Variants in ABLIM1 observed in about 807,000 individuals in gnomAD.
ABLIM1 encodes the protein actin-binding LIM protein 1.
Under a neutral mutation model 107.0 loss-of-function variants are expected in ABLIM1, and 40 were observed. The observed-to-expected ratio is 0.37, with a 90% CI of 0.29 to 0.49. ABLIM1 has a LOEUF of 0.49. Ranked by LOEUF, ABLIM1 falls within the 20% of genes least tolerant of loss-of-function variation. ABLIM1 has a pLI of 0.97. For missense variants in ABLIM1, 857 were observed against 1,008.5 expected, an observed-to-expected ratio of 0.85 and a Z score of 2.04; for synonymous variants, 357 against 357.3, an observed-to-expected ratio of 1.00 and a Z score of 0.01.
intron 1 of ABLIM1, among the ~76,000 whole-genome samples, chr10:114,617,079 G>A (rs1477817100): frequency 2.0e-5 from 3 of 152,046 alleles, no homozygotes; most frequent in Admixed American, 1.3e-4. Context: ...AAGCTTTAGG[G>A]AATAATTTTA....
At chr10:114,609,627 T>C (rs1275698760) in intron 1 of ABLIM1, among the ~76,000 whole-genome samples, 1 of 152,232 alleles carries the variant, frequency 6.6e-6, no homozygotes, top group Non-Finnish European at 1.5e-5. Context: ...TGAGTTGTCA[T>C]CTCTATACTT....
At chr10:114,748,102 C>T (rs116776188) in intron 1 of ABLIM1, among the ~76,000 whole-genome samples, 1,860 of 151,628 alleles carry the variant, frequency 0.012, 39 homozygotes, top group African/African-American at 0.037. Context: ...ACTGAACCAC[C>T]AAATGGATGG....
At chr10:114,442,978 G>A (rs145239993) in intron 17 of ABLIM1, among the ~76,000 whole-genome samples, 2,799 of 151,398 alleles carry the variant, frequency 0.018, 63 homozygotes, top group African/African-American at 0.052. Context: ...AGCCGGGACT[G>A]CAGGAGCCCG....
At chr10:114,469,006 C>A (rs896499139) in intron 10 of ABLIM1, among the ~76,000 whole-genome samples, 23 of 140,302 alleles carry the variant, frequency 1.6e-4, no homozygotes, top group Non-Finnish European at 2.6e-4. Flanking sequence ...GAGCCGAGAT[C>A]ACGCCACTGC....
In ABLIM1 at chr10:114,707,583, G is replaced by A. The variant is rs1021335184; in HGVS notation, c.-213+60478C>T. Among the ~76,000 whole-genome samples, 1 of 152,040 alleles carries A rather than the reference G, an allele frequency of 6.6e-6. No homozygotes were observed. The highest frequency in any genetic ancestry group is 1.5e-5 in the Non-Finnish European group (1 of 67,996). On this transcript the variant is annotated intron_variant, in intron 1 of 15. Transcript: ENST00000651092. This position sits in a 1 kb window ranked among gnomAD's most constrained non-coding sequence, Gnocchi z 4.1. ...TAAACCATCAATCCTGCTGCCCCTGGCTTCCTGAGTACTAGTCATAAAAAA... is the reference window on the plus strand; with the variant it reads ...TAAACCATCAATCCTGCTGCCCCTGACTTCCTGAGTACTAGTCATAAAAAA...
At chr10:114,770,736 G>A (rs185023735), upstream of ABLIM1, among the ~76,000 whole-genome samples, 13 of 152,238 alleles carry the variant, frequency 8.5e-5, no homozygotes, top group South Asian at 4.1e-4. Flanking sequence ...CAGTCTTGTC[G>A]AATTGAATTT....
In ABLIM1 at chr10:114,441,003, C is replaced by A; in HGVS notation, c.2059+14G>T. The A allele has an allele frequency of 6.3e-7, 1 of 1,581,542 alleles. No homozygotes were observed. Among genetic ancestry groups the A allele is most frequent in the Middle Eastern group, 1.7e-4 (1 of 6,026 alleles). ...AAGACGTGGCCATGCTCAGCCTGGC[C>A]ATGGGAGCCTCACCTCGCACTCCCC... On this transcript the variant is annotated intron_variant, in intron 19 of 22. Transcript: ENST00000533213.
chr10:114,498,657 G>C (rs945756889), intron 6 of ABLIM1, among the ~76,000 whole-genome samples: 7 of 152,258 alleles, frequency 4.6e-5, no homozygotes, highest in Admixed American at 3.3e-4. Flanking sequence ...CTTATGTTCT[G>C]CCTACTTTCA....
chr10:114,440,224 C>G lies in ABLIM1; in HGVS notation c.2060-135G>C, dbSNP rs1348963837. 6.8e-6 allele frequency: 6 copies of G among 886,584 alleles called. 1 individual carries two copies. The highest frequency in any genetic ancestry group is 8.9e-6 in the Non-Finnish European group (5 of 559,852). The allele number at this position is 886,584 out of a possible 1,614,324, so 54.9% of individuals were successfully genotyped here. On this transcript the variant is annotated intron_variant, in intron 19 of 22. Coordinates refer to ENST00000533213, the MANE Select transcript of ABLIM1 (RefSeq NM_002313.7). ...CATGTTCTTTTTCTGCTCCCAGACT[C>G]TGCACATGTTATCCCATCAGCCTCC...
At chr10:114,480,914 A>G (rs2057268272) in intron 8 of ABLIM1, among the ~76,000 whole-genome samples, 1 of 152,248 alleles carries the variant, frequency 6.6e-6, no homozygotes, top group Non-Finnish European at 1.5e-5. Flanking sequence ...GAGAGATAAA[A>G]CATGGCATTT....
chr10:114,576,362 C>T (rs2072544916), intron 2 of ABLIM1, among the ~76,000 whole-genome samples: 1 of 152,180 alleles, frequency 6.6e-6, no homozygotes, highest in South Asian at 2.1e-4. Context: ...AAAGCAGTCC[C>T]TGACAGTAAA....
intron 18 of ABLIM1, 114 bp downstream of exon 18, chr10:114,441,608 T>G: frequency 1.0e-6 from 1 of 970,716 alleles, no homozygotes; most frequent in East Asian, 2.4e-5. Flanking sequence ...AAAATTTTCA[T>G]TATGTTCCAA....
chr10:114,454,793 T>C (rs1170012884), intron 12 of ABLIM1, among the ~76,000 whole-genome samples: 2 of 152,134 alleles, frequency 1.3e-5, no homozygotes, highest in Non-Finnish European at 2.9e-5. Flanking sequence ...GCTCAATAAA[T>C]TAGTAGGGGT....
At chr10:114,633,830 T>C (rs2078320923) in intron 1 of ABLIM1, among the ~76,000 whole-genome samples, 2 of 152,150 alleles carry the variant, frequency 1.3e-5, no homozygotes, top group South Asian at 2.1e-4. Context: ...CAAAATTAAC[T>C]GCAGAGAGCT....
At chr10:114,614,273 G>A (rs372558394) in intron 1 of ABLIM1, among the ~76,000 whole-genome samples, 18 of 152,030 alleles carry the variant, frequency 1.2e-4, no homozygotes, top group East Asian at 9.7e-4. Context: ...CCAACATGGC[G>A]AAACCCAGTC....
At chr10:114,536,747 A>G (rs570131553) in intron 6 of ABLIM1, among the ~76,000 whole-genome samples, 2 of 152,196 alleles carry the variant, frequency 1.3e-5, no homozygotes, top group African/African-American at 4.8e-5. Flanking sequence ...CAGTGTCTCA[A>G]TACTGACCCT....
At chr10:114,728,477 G>A (rs545793185) in intron 1 of ABLIM1, among the ~76,000 whole-genome samples, 8 of 144,528 alleles carry the variant, frequency 5.5e-5, no homozygotes, top group South Asian at 2.2e-4. Flanking sequence ...CATTAAGAAT[G>A]GGTAAATAAT....
intron 10 of ABLIM1, among the ~76,000 whole-genome samples, chr10:114,468,463 A>G (rs1339983043): frequency 6.6e-6 from 1 of 151,836 alleles, no homozygotes; most frequent in Non-Finnish European, 1.5e-5. Context: ...TTTAGTAGAG[A>G]TGGGGTTTCA....
intron 16 of ABLIM1, 110 bp downstream of exon 16, chr10:114,445,202 T>C (rs2060829387): frequency 1.0e-6 from 1 of 967,482 alleles, no homozygotes; most frequent in East Asian, 2.4e-5. Flanking sequence ...CCTTGAAGAC[T>C]GGGACCACCT....
Sources: gnomAD v4.1 joint callset for allele counts (sites outside exome capture counted in the v4.1 genomes callset) on GRCh38, gnomAD v4.1.1 for gene constraint, Gnocchi (gnomAD v3.1) non-coding constraint, MANE v1.5 for transcripts, NCBI Gene and HGNC (gene_info 2026-07-23, HGNC 2026-07-21) for gene names.